The following GOLM2 variants were observed in gnomAD, a reference collection of about 807,000 sequenced individuals.
The protein encoded by GOLM2 is protein GOLM2.
GOLM2 carries 26 observed loss-of-function variants against 55.9 expected under a neutral mutation model. The observed-to-expected ratio is 0.47, with a 90% CI of 0.34 to 0.65. The LOEUF (loss-of-function observed/expected upper bound fraction) is 0.65. Ranked by LOEUF, GOLM2 falls within the 30% of genes least tolerant of loss-of-function variation. The pLI is 0.01. For missense variants in GOLM2, 486 were observed against 531.8 expected, an observed-to-expected ratio of 0.91 and a Z score of 0.85; for synonymous variants, 165 against 194.6, an observed-to-expected ratio of 0.85 and a Z score of 1.27.
At chr15:44,391,341 C>T (rs1031533506) in intron 8 of GOLM2, among the ~76,000 whole-genome samples, 9 of 151,630 alleles carry the variant, frequency 5.9e-5, no homozygotes, top group African/African-American at 1.7e-4. Flanking sequence ...GGTGAAGCCC[C>T]GTCTCTACTA....
intron 1 of GOLM2, among the ~76,000 whole-genome samples, chr15:44,292,344 C>T (rs2078727088): frequency 6.6e-6 from 1 of 151,448 alleles, no homozygotes; most frequent in South Asian, 2.1e-4. Context: ...CTACAGGCGC[C>T]CACCTCCATG....
intron 1 of GOLM2, among the ~76,000 whole-genome samples, chr15:44,292,146 T>C (rs781172063): frequency 9.2e-5 from 14 of 151,540 alleles, no homozygotes; most frequent in Non-Finnish European, 1.5e-4. Context: ...GTATCTCTTA[T>C]TGAATGTCAG....
chr15:44,328,539 G>T, intron 2 of GOLM2, 146 bp from the exon 3 acceptor site: 1 of 551,894 alleles, frequency 1.8e-6, no homozygotes, highest in Non-Finnish European at 3.2e-6. Context: ...ATTAAATGTG[G>T]TGTTTGTTAT....
chr15:44,395,707 GTA>G (rs1171409386), intron 8 of GOLM2, among the ~76,000 whole-genome samples: 52 of 151,998 alleles, frequency 3.4e-4, no homozygotes, highest in Non-Finnish European at 6.9e-4. Flanking sequence ...GGGTGTGGTG[GTA>G]CGCGCCTGTA....
At chr15:44,364,016 G>C (rs1459740004) in intron 6 of GOLM2, among the ~76,000 whole-genome samples, 1 of 151,728 alleles carries the variant, frequency 6.6e-6, no homozygotes, top group Non-Finnish European at 1.5e-5. Flanking sequence ...ACACAGGAAG[G>C]GGAACATCAC....
At chr15:44,328,567 G>A in intron 2 of GOLM2, 118 bp from the exon 3 acceptor site, 2 of 580,124 alleles carry the variant, frequency 3.4e-6, no homozygotes, top group Non-Finnish European at 6.1e-6. Flanking sequence ...AATTTCCTGG[G>A]AGTATTACTA....
At chr15:44,300,057 G>A (rs1293596110) in intron 1 of GOLM2, among the ~76,000 whole-genome samples, 1 of 150,920 alleles carries the variant, frequency 6.6e-6, no homozygotes, top group African/African-American at 2.4e-5. Flanking sequence ...CTATGATTGT[G>A]CCACTGTGCC....
At position 44,289,164 on chromosome 15, in the gene GOLM2, G is replaced by A; in HGVS notation, c.135G>A (p.Glu45=). ...CCCGCCACGTCCTGCTTCAGGAGGA[G>A]GTGGCCGAGCTGCAGGGCCAGGTCC... is the stretch of plus-strand genomic sequence containing the variant. ...ISSRHVLLQE[E]VAELQGQVQR... The change falls in exon 1 of 10, where the codon GAG becomes GAA. Residue 45 remains glutamate (E), a synonymous_variant. Transcript: ENST00000299957. This position sits in a 1 kb window ranked among gnomAD's most constrained non-coding sequence, Gnocchi z 4.8. 1.2e-6 allele frequency: 2 copies of A among 1,614,208 alleles called. No homozygotes were observed. The highest frequency in any genetic ancestry group is 1.1e-5 in the South Asian group (1 of 91,092).
At chr15:44,366,069 G>C (rs1263739907) in intron 6 of GOLM2, among the ~76,000 whole-genome samples, 1 of 151,836 alleles carries the variant, frequency 6.6e-6, no homozygotes, top group Non-Finnish European at 1.5e-5. Context: ...AGGCCGAGGT[G>C]GGTGGATCAC....
intron 1 of GOLM2, among the ~76,000 whole-genome samples, chr15:44,309,709 CT>C (rs1258984439): frequency 1.3e-5 from 2 of 152,164 alleles, no homozygotes; most frequent in Non-Finnish European, 2.9e-5. Context: ...AACACTTTAT[CT>C]CTGGCATAAA....
At chr15:44,384,481 T>A (rs915269276) in intron 8 of GOLM2, among the ~76,000 whole-genome samples, 10 of 152,054 alleles carry the variant, frequency 6.6e-5, no homozygotes, top group Non-Finnish European at 1.5e-4. Context: ...GCACGGTGAC[T>A]CAAGCCTGTA....
At chr15:44,391,250 C>T (rs1373348342) in intron 8 of GOLM2, among the ~76,000 whole-genome samples, 2 of 152,024 alleles carry the variant, frequency 1.3e-5, no homozygotes, top group Non-Finnish European at 2.9e-5. Flanking sequence ...TGTGGTGGCT[C>T]ACACCTGTAA....
intron 1 of GOLM2, among the ~76,000 whole-genome samples, chr15:44,302,050 T>C (rs1012057141): frequency 6.6e-6 from 1 of 152,066 alleles, no homozygotes; most frequent in Non-Finnish European, 1.5e-5. Context: ...TAATATTTGA[T>C]GTTGCACTAC....
intron 1 of GOLM2, chr15:44,307,090 A>G (rs996878657): frequency 6.5e-6 from 1 of 154,934 alleles, no homozygotes; most frequent in Non-Finnish European, 1.5e-5. Flanking sequence ...CATTTGCTCG[A>G]TGCAGGGTTA....
chr15:44,385,165 C>A (rs1376046354), intron 8 of GOLM2, among the ~76,000 whole-genome samples: 9 of 152,058 alleles, frequency 5.9e-5, no homozygotes, highest in Admixed American at 5.2e-4. Flanking sequence ...TTTTGAACAT[C>A]TGTTTTTAAT....
At chr15:44,297,810 C>T (rs1193873060) in intron 1 of GOLM2, among the ~76,000 whole-genome samples, 1 of 150,638 alleles carries the variant, frequency 6.6e-6, no homozygotes, top group Non-Finnish European at 1.5e-5. Context: ...CCTCATGATC[C>T]ACCCGCCTTG....
intron 1 of GOLM2, among the ~76,000 whole-genome samples, chr15:44,298,443 T>TG (rs1800898007): frequency 6.6e-6 from 1 of 150,504 alleles, no homozygotes; most frequent in Non-Finnish European, 1.5e-5. Context: ...TTTTTTTTTT[T>TG]TTTTGTATTT....
intron 6 of GOLM2, among the ~76,000 whole-genome samples, chr15:44,357,535 T>TG (rs2079206164): frequency 6.6e-6 from 1 of 152,172 alleles, no homozygotes; most frequent in African/African-American, 2.4e-5. Flanking sequence ...AATATTATAC[T>TG]GGAAGTCTTA....
intron 6 of GOLM2, among the ~76,000 whole-genome samples, chr15:44,372,570 A>G (rs966326591): frequency 3.9e-5 from 6 of 152,322 alleles, no homozygotes; most frequent in African/African-American, 1.4e-4. Flanking sequence ...TTTTTAAGTC[A>G]AGTGAGAGGT....
Sources: gnomAD v4.1 joint callset for allele counts (sites outside exome capture counted in the v4.1 genomes callset) on GRCh38, gnomAD v4.1.1 for gene constraint, Gnocchi (gnomAD v3.1) non-coding constraint, MANE v1.5 for transcripts, NCBI Gene and HGNC (gene_info 2026-07-23, HGNC 2026-07-21) for gene names.